The following KCMF1 variants were observed in gnomAD, a reference collection of about 807,000 sequenced individuals.
The protein encoded by KCMF1 is E3 ubiquitin-protein ligase KCMF1.
Under a neutral mutation model 41.1 loss-of-function variants are expected in KCMF1, and 3 were observed. The observed-to-expected ratio is 0.07, with a 90% CI of 0.03 to 0.19. The LOEUF is 0.19. KCMF1 is among the 10% of genes least tolerant of loss of function. The probability of loss-of-function intolerance (pLI) is 1.00; values close to 1 mark genes in which losing one functional copy is unlikely to be tolerated. For missense variants in KCMF1, 286 were observed against 488.9 expected, an observed-to-expected ratio of 0.58 and a Z score of 3.91; for synonymous variants, 142 against 164.5, an observed-to-expected ratio of 0.86 and a Z score of 1.04.
Position 85,053,397 on chromosome 2 carries a change from A to T in KCMF1, c.1134A>T (p.Pro378=). The T allele has an allele frequency of 6.2e-7, 1 of 1,611,342 alleles. No homozygotes were observed. Among genetic ancestry groups the T allele is most frequent in the Non-Finnish European group, 8.5e-7 (1 of 1,178,756 alleles). The change falls in exon 7 of 7, where the codon CCA becomes CCT. Residue 378 remains proline (P), a synonymous_variant. Coordinates refer to ENST00000409785, the MANE Select transcript of KCMF1 (RefSeq NM_020122.5). ...KESNKGNEPP[P]PPL ...GTAATAAAGGAAATGAGCCTCCACC[A>T]CCTCCTCTTTGATGACATCCCAATT...
chr2:85,014,732 T>C (rs957680879), intron 1 of KCMF1, among the ~76,000 whole-genome samples: 4 of 150,920 alleles, frequency 2.7e-5, no homozygotes, highest in East Asian at 1.9e-4. Context: ...TGCGTGTGTG[T>C]GTGTGTGTGT....
intron 1 of KCMF1, among the ~76,000 whole-genome samples, chr2:85,010,820 GTTA>G (rs1262096178): frequency 1.3e-5 from 2 of 149,180 alleles, no homozygotes; most frequent in Admixed American, 1.3e-4. Context: ...GGATTCCTGT[GTTA>G]TTCAGTGAGT....
At chr2:85,039,965 A>G (rs1675487171) in intron 3 of KCMF1, among the ~76,000 whole-genome samples, 1 of 152,114 alleles carries the variant, frequency 6.6e-6, no homozygotes, top group Non-Finnish European at 1.5e-5. Context: ...GGCATGTGCC[A>G]CCACGCCTGG....
At chr2:84,977,229 G>A (rs1477815673) in intron 1 of KCMF1, among the ~76,000 whole-genome samples, 1 of 152,108 alleles carries the variant, frequency 6.6e-6, no homozygotes, top group Non-Finnish European at 1.5e-5. Context: ...CACACATATA[G>A]ACAGAAATAA....
chr2:84,984,988 G>A (rs185687343), intron 1 of KCMF1, among the ~76,000 whole-genome samples: 1 of 152,192 alleles, frequency 6.6e-6, no homozygotes, highest in Admixed American at 6.5e-5. Context: ...GCCGGCCAGA[G>A]TATGGGCTAC....
chr2:85,007,654 A>G (rs1315679536), intron 1 of KCMF1, among the ~76,000 whole-genome samples: 4 of 152,236 alleles, frequency 2.6e-5, no homozygotes, highest in African/African-American at 9.6e-5. Flanking sequence ...TCCAGATAAG[A>G]TACGGGGACT....
chr2:84,989,054 A>T (rs76237454), intron 1 of KCMF1, among the ~76,000 whole-genome samples: 1,596 of 152,334 alleles, frequency 0.01, 13 homozygotes, highest in Admixed American at 0.021. Context: ...AGCAGGTTGT[A>T]CAAAACCAGA....
intron 1 of KCMF1, among the ~76,000 whole-genome samples, chr2:84,980,375 C>T (rs1452523997): frequency 6.6e-6 from 1 of 152,134 alleles, no homozygotes; most frequent in African/African-American, 2.4e-5. Flanking sequence ...AAACAGAAAA[C>T]CAGCTCTCAC....
At chr2:84,995,037 T>TG (rs949301893) in intron 1 of KCMF1, among the ~76,000 whole-genome samples, 4 of 152,082 alleles carry the variant, frequency 2.6e-5, no homozygotes, top group African/African-American at 9.7e-5. Flanking sequence ...ATTTTTTTTT[T>TG]TTGAGATGGA....
chr2:84,994,244 G>T (rs914849963), intron 1 of KCMF1, among the ~76,000 whole-genome samples: 47 of 149,908 alleles, frequency 3.1e-4, no homozygotes, highest in African/African-American at 1.0e-3. Flanking sequence ...CACCGCGCCC[G>T]GCCAAGTATG....
At chr2:85,036,537 T>G (rs1235092282) in intron 3 of KCMF1, among the ~76,000 whole-genome samples, 2 of 152,188 alleles carry the variant, frequency 1.3e-5, no homozygotes, top group South Asian at 2.1e-4. Context: ...GACTCATGAC[T>G]GTAATCCCAA....
intron 1 of KCMF1, among the ~76,000 whole-genome samples, chr2:84,990,039 A>G (rs901069272): frequency 6.6e-6 from 1 of 152,230 alleles, no homozygotes; most frequent in Non-Finnish European, 1.5e-5. Flanking sequence ...AAACTTAAGA[A>G]GATGATTTTC....
At position 85,055,894 on chromosome 2, in the gene KCMF1, G is replaced by C. The variant is rs1675917120; in HGVS notation, c.*2485G>C. 1 of 152,116 alleles carries C rather than the reference G, an allele frequency of 6.6e-6. No individual in the cohort carries two copies. The highest frequency in any genetic ancestry group is 2.4e-5 in the African/African-American group (1 of 41,442). The allele number at this position is 152,116 out of a possible 1,614,324, so 9.4% of individuals were successfully genotyped here. A position where few individuals can be genotyped will look rare whatever the true frequency, so the allele number is the denominator to read the frequency against. On this transcript the variant is annotated 3_prime_UTR_variant, in exon 7 of 7. Coordinates refer to ENST00000409785, the MANE Select transcript of KCMF1 (RefSeq NM_020122.5). ...AATTTTTTGTTTCGTTGAGTTTTGA[G>C]TGTCTAGGATATAAGTTTATAAATG...
At chr2:84,998,783 T>C (rs545440179) in intron 1 of KCMF1, among the ~76,000 whole-genome samples, 1 of 150,214 alleles carries the variant, frequency 6.7e-6, no homozygotes, top group South Asian at 2.1e-4. Flanking sequence ...TTTTTTTTTT[T>C]GTATTTTTAG....
chr2:84,977,144 G>A (rs1673569035), intron 1 of KCMF1, among the ~76,000 whole-genome samples: 1 of 152,084 alleles, frequency 6.6e-6, no homozygotes, highest in Admixed American at 6.6e-5. Context: ...CTCCCAGAGT[G>A]TTGGGATTAC....
intron 5 of KCMF1, among the ~76,000 whole-genome samples, chr2:85,047,611 A>C (rs928400720): frequency 6.6e-5 from 10 of 151,682 alleles, no homozygotes; most frequent in African/African-American, 2.2e-4. Context: ...AAAAAAAAAA[A>C]AACACAGTTT....
chr2:85,008,891 A>G (rs1339961006), intron 1 of KCMF1, among the ~76,000 whole-genome samples: 1 of 151,418 alleles, frequency 6.6e-6, no homozygotes, highest in East Asian at 1.9e-4. Context: ...TCAGTCTCTC[A>G]AATAGCTGGC....
At chr2:85,007,935 G>A (rs1444628328) in intron 1 of KCMF1, among the ~76,000 whole-genome samples, 1 of 151,852 alleles carries the variant, frequency 6.6e-6, no homozygotes, top group Non-Finnish European at 1.5e-5. Flanking sequence ...TAATTTTTTT[G>A]TATTTTTAGT....
intron 1 of KCMF1, among the ~76,000 whole-genome samples, chr2:84,973,093 C>T (rs1394737641): frequency 1.3e-5 from 2 of 152,196 alleles, no homozygotes; most frequent in African/African-American, 2.4e-5. Context: ...CATTGACCAC[C>T]TTCAAGACAA....
Sources: gnomAD v4.1 joint callset for allele counts (sites outside exome capture counted in the v4.1 genomes callset) on GRCh38, gnomAD v4.1.1 for gene constraint, MANE v1.5 for transcripts, NCBI Gene and HGNC (gene_info 2026-07-23, HGNC 2026-07-21) for gene names.